The following SESN1 variants were observed in gnomAD, a reference collection of about 807,000 sequenced individuals.
SESN1 encodes sestrin-1.
In SESN1, 30 loss-of-function variants were observed where a neutral mutation model predicts 59.3. That is an observed-to-expected ratio of 0.51 (90% confidence interval 0.38 to 0.69). SESN1 has a LOEUF of 0.69. Ranked by LOEUF, SESN1 falls within the 30% of genes least tolerant of loss-of-function variation. The pLI, the probability that SESN1 is intolerant of heterozygous loss-of-function variation, is 0.00. For synonymous variants in SESN1, 197 were observed against 219.9 expected, an observed-to-expected ratio of 0.90 and a Z score of 0.92; for missense variants, 566 against 673.0, an observed-to-expected ratio of 0.84 and a Z score of 1.76.
intron 1 of SESN1, among the ~76,000 whole-genome samples, chr6:109,021,662 G>C (rs528938678): frequency 1.3e-5 from 2 of 152,000 alleles, no homozygotes; most frequent in Admixed American, 6.5e-5. Flanking sequence ...GGCTGGTCTC[G>C]AACTCCTGAC....
chr6:108,996,957 TG>T lies in SESN1; in HGVS notation c.972+1555del, dbSNP rs1310356477. ...CAATCTGAAAAGGCTACGTACTGTA[TG>T]ATTCCAACTATATAACATTCTGGAA... is the stretch of plus-strand genomic sequence containing the variant. On this transcript the variant is annotated intron_variant, in intron 5 of 9. Transcript: ENST00000436639. Among the ~76,000 whole-genome samples the T allele has an allele frequency of 2.0e-5, 3 of 152,196 alleles. No individual in the cohort carries two copies. In the East Asian group the frequency reaches 5.8e-4, roughly 29 times the overall value.
chr6:109,092,964 C>A (rs1386082363), intron 1 of SESN1, among the ~76,000 whole-genome samples: 1 of 152,046 alleles, frequency 6.6e-6, no homozygotes, highest in Non-Finnish European at 1.5e-5. Context: ...ATCTCTCATA[C>A]AGGACTTTGG....
intron 5 of SESN1, among the ~76,000 whole-genome samples, chr6:108,994,995 C>T (rs1263061278): frequency 2.6e-5 from 4 of 152,126 alleles, no homozygotes; most frequent in African/African-American, 9.7e-5. Flanking sequence ...TGAGCCACTG[C>T]ACCTGGCCAG....
chr6:109,034,405 T>C (rs757219272), intron 1 of SESN1, among the ~76,000 whole-genome samples: 2 of 152,236 alleles, frequency 1.3e-5, no homozygotes, highest in Non-Finnish European at 2.9e-5. Flanking sequence ...TTATAGAATC[T>C]ATATTTTAAA....
chr6:109,062,656 C>G (rs1780751077), intron 1 of SESN1, among the ~76,000 whole-genome samples: 1 of 152,158 alleles, frequency 6.6e-6, no homozygotes, highest in African/African-American at 2.4e-5. Flanking sequence ...AATTCATACA[C>G]AGTAGTCCCC....
At chr6:109,051,100 C>T (rs570994148) in intron 1 of SESN1, among the ~76,000 whole-genome samples, 8 of 151,780 alleles carry the variant, frequency 5.3e-5, no homozygotes, top group African/African-American at 1.7e-4. Flanking sequence ...GAGTCCTAAA[C>T]AACTAATTTG....
chr6:109,089,122 G>GT (rs1781266443), intron 1 of SESN1, among the ~76,000 whole-genome samples: 1 of 150,384 alleles, frequency 6.6e-6, no homozygotes, highest in Non-Finnish European at 1.5e-5. Flanking sequence ...CCTTGTCATC[G>GT]TTTCTCCCTT....
In SESN1 at chr6:108,998,723, G is replaced by T; in HGVS notation, c.762C>A (p.Ser254=). The stretch of plus-strand genomic sequence containing the variant: ...CTACTGCATGTACCAATTCCGCAAG[G>T]GACCAGCTGTGCTCTTCAGCTTTTA... ...GLLKAEEHSW[S]LAELVHAVVL... The change falls in exon 5 of 10, where the codon TCC becomes TCA. Residue 254 remains serine, a synonymous_variant. Transcript: ENST00000436639. The T allele has an allele frequency of 1.9e-6, 3 of 1,613,442 alleles. No homozygotes were observed. Among genetic ancestry groups the T allele is most frequent in the Non-Finnish European group, 2.5e-6 (3 of 1,179,496 alleles).
Position 109,046,353 on chromosome 6 carries a change from G to A in SESN1, c.280-44010C>T, listed in dbSNP as rs554523942. ...GCCAGCCTTGGCCTCCCGAGGTGCC[G>A]GGATTGCAGACGGAGTCTCGTTCAC... On this transcript the variant is annotated intron_variant, in intron 1 of 9. Transcript: ENST00000436639. 7.6e-4 allele frequency among the ~76,000 whole-genome samples: 116 copies of A among 151,930 alleles called. No homozygotes were observed. In the East Asian group the frequency reaches 0.019, roughly 25 times the overall value.
intron 1 of SESN1, among the ~76,000 whole-genome samples, chr6:109,091,828 A>G (rs1781321371): frequency 6.6e-6 from 1 of 152,244 alleles, no homozygotes; most frequent in Non-Finnish European, 1.5e-5. Flanking sequence ...TAAATGAATG[A>G]TGCTGGGGTG....
At chr6:109,058,882 T>C (rs1353815379) in intron 1 of SESN1, among the ~76,000 whole-genome samples, 2 of 141,014 alleles carry the variant, frequency 1.4e-5, no homozygotes, top group Non-Finnish European at 3.0e-5. Flanking sequence ...AGTAAAACTC[T>C]GAGCTAAAAG....
chr6:108,988,827 T>C (rs1007631906), intron 8 of SESN1, 140 bp from the exon 9 acceptor site: 28 of 604,248 alleles, frequency 4.6e-5, no homozygotes, highest in Non-Finnish European at 7.5e-5. Context: ...GATAGAGCTT[T>C]ATAACTGCAG....
intron 9 of SESN1, among the ~76,000 whole-genome samples, 174 bp from the exon 10 acceptor site, chr6:108,987,804 A>ATTTTTTT (rs1779239798): frequency 1.9e-5 from 2 of 106,616 alleles, no homozygotes; most frequent in African/African-American, 8.1e-5. Flanking sequence ...AACAGCAGCT[A>ATTTTTTT]TCTTTTTTTT....
chr6:109,018,482 T>C (rs1277395087), intron 1 of SESN1, among the ~76,000 whole-genome samples: 1 of 152,210 alleles, frequency 6.6e-6, no homozygotes, highest in African/African-American at 2.4e-5. Flanking sequence ...AGTGGATATT[T>C]TGCTTTAAAG....
intron 1 of SESN1, chr6:109,009,273 G>A: frequency 8.3e-7 from 1 of 1,211,808 alleles, no homozygotes; most frequent in Non-Finnish European, 1.1e-6. Flanking sequence ...AGGAGGCAAC[G>A]TGACCTCCGT....
intron 1 of SESN1, chr6:109,009,073 T>A (rs1306461245): frequency 4.5e-6 from 4 of 897,338 alleles, no homozygotes; most frequent in Admixed American, 4.8e-5. Context: ...GAGACTTTCA[T>A]TTACATGACC....
intron 1 of SESN1, among the ~76,000 whole-genome samples, chr6:109,006,370 G>A (rs944481538): frequency 6.6e-5 from 10 of 152,070 alleles, no homozygotes; most frequent in Non-Finnish European, 8.8e-5. Context: ...ACATATGTAT[G>A]CATGTGCCAT....
intron 7 of SESN1, among the ~76,000 whole-genome samples, chr6:108,992,523 C>T (rs950944850): frequency 7.9e-5 from 12 of 152,064 alleles, no homozygotes; most frequent in South Asian, 6.2e-4. Context: ...TATTTGGGAA[C>T]GCTGGGAGTA....
chr6:109,042,649 A>C (rs571455475), intron 1 of SESN1, among the ~76,000 whole-genome samples: 1 of 152,040 alleles, frequency 6.6e-6, no homozygotes, highest in South Asian at 2.1e-4. Context: ...TAACTCCATA[A>C]CTCACCTACT....
Sources: gnomAD v4.1 joint callset for allele counts (sites outside exome capture counted in the v4.1 genomes callset) on GRCh38, gnomAD v4.1.1 for gene constraint, MANE v1.5 for transcripts, NCBI Gene and HGNC (gene_info 2026-07-23, HGNC 2026-07-21) for gene names.